SP110: variants seen among roughly 807,000 people sequenced by gnomAD.
The protein encoded by SP110 is SP110 nuclear body protein.
SP110 carries 62 observed loss-of-function variants against 92.7 expected under a neutral mutation model. That is an observed-to-expected ratio of 0.67 (90% CI 0.55 to 0.83). The LOEUF is 0.83. Ranked by LOEUF, SP110 falls within the 40% of genes least tolerant of loss-of-function variation. The probability of loss-of-function intolerance (pLI) is 0.00; values close to 1 mark genes in which losing one functional copy is unlikely to be tolerated. For synonymous variants in SP110, 273 were observed against 305.3 expected (o/e 0.89, Z 1.10); for missense variants, 793 against 863.9 (o/e 0.92, Z 1.03).
upstream of SP110, among the ~76,000 whole-genome samples, chr2:230,224,032 A>G (rs567876317): frequency 1.3e-4 from 20 of 152,300 alleles, no homozygotes; most frequent in African/African-American, 4.3e-4. Flanking sequence ...CTTACCCAGG[A>G]GAGGTTCTGT....
At position 230,168,682 on chromosome 2, in the gene SP110, A is replaced by G. The variant is rs1220424870; in HGVS notation, c.*442T>C. The G allele has an allele frequency of 6.0e-6, 1 of 165,342 alleles. No homozygotes were observed. Among genetic ancestry groups the G allele is most frequent in the Non-Finnish European group, 1.3e-5 (1 of 75,418 alleles). 10.2% of individuals were successfully genotyped at this position (165,342 alleles called of 1,614,324 possible). A position where few individuals can be genotyped will look rare whatever the true frequency, so the allele number is the denominator to read the frequency against. On this transcript the variant is annotated 3_prime_UTR_variant, in exon 19 of 19. Coordinates refer to ENST00000258381, the MANE Select transcript of SP110 (RefSeq NM_080424.4). ...GAAGAGAGGACTATACCACTAAGAA[A>G]ATGCAACCAGAAAATTCCAGATTGC...
chr2:230,214,851 C>T (rs573064771), intron 3 of SP110, 99 bp downstream of exon 3: 30 of 976,102 alleles, frequency 3.1e-5, no homozygotes, highest in South Asian at 5.3e-5. Context: ...AGAGAGAAGG[C>T]GGGGGATTAA....
upstream of SP110, among the ~76,000 whole-genome samples, chr2:230,224,101 T>C (rs1344074848): frequency 1.3e-5 from 2 of 152,234 alleles, no homozygotes; most frequent in African/African-American, 4.8e-5. Flanking sequence ...AGGCTATCCT[T>C]ACCTGGGCTA....
At chr2:230,206,581 ATCTGGTCCAGATTT>A (rs2043832927) in intron 8 of SP110, among the ~76,000 whole-genome samples, 1 of 117,574 alleles carries the variant, frequency 8.5e-6, no homozygotes, top group Admixed American at 9.8e-5. Flanking sequence ...ATTATATATT[ATCTGGTCCAGATTT>A]TATATATATA....
chr2:230,180,995 A>G (rs953995984), intron 12 of SP110, among the ~76,000 whole-genome samples: 15 of 152,238 alleles, frequency 9.9e-5, no homozygotes, highest in Admixed American at 2.6e-4. Flanking sequence ...TGGTAATTAA[A>G]TGGCAAAATG....
chr2:230,211,490 G>A lies in SP110; in HGVS notation c.731C>T (p.Ser244Phe). 2.5e-6 allele frequency: 4 copies of A among 1,607,064 alleles called. No individual in the cohort carries two copies. The highest frequency in any genetic ancestry group is 3.4e-6 in the Non-Finnish European group (4 of 1,173,460). The change falls in exon 6 of 19, where the codon TCT becomes TTT. Residue 244 changes from serine to phenylalanine, a missense_variant. By Grantham distance (155) the Ser-to-Phe change is radical. Coordinates refer to ENST00000258381, the MANE Select transcript of SP110 (RefSeq NM_080424.4). The surrounding 1 kb of genome is among the most constrained non-coding windows in gnomAD (Gnocchi z 4.2). ...DKEDPQEMPHSPLGSMPEIRD... is the reference protein window; with the variant it reads ...DKEDPQEMPHFPLGSMPEIRD... ...ATTACCTGGCATAGAGCCCAAGGGA[G>A]AGTGGGGCATCTCTTGAGGGTCTTC...
chr2:230,216,654 G>T, intron 2 of SP110, 127 bp downstream of exon 2: 1 of 1,143,140 alleles, frequency 8.7e-7, no homozygotes, highest in Non-Finnish European at 1.3e-6. Context: ...CACCTTCTGT[G>T]ATAATGAACA....
chr2:230,205,932 C>T (rs1378594558), intron 8 of SP110, among the ~76,000 whole-genome samples: 1 of 152,136 alleles, frequency 6.6e-6, no homozygotes, highest in African/African-American at 2.4e-5. Flanking sequence ...TTACAATGAA[C>T]CAAGGAGGCC....
At chr2:230,200,658 G>A (rs771750849) in intron 10 of SP110, 3 of 578,662 alleles carry the variant, frequency 5.2e-6, no homozygotes, top group Non-Finnish European at 9.2e-6. Flanking sequence ...ATCTTATATA[G>A]TGCAGATATA....
At chr2:230,217,018 G>T (rs1002747922) in intron 1 of SP110, 90 bp from the exon 2 acceptor site, 22 of 1,042,300 alleles carry the variant, frequency 2.1e-5, no homozygotes, top group Non-Finnish European at 3.2e-5. Context: ...GGCCGAGGTG[G>T]GTGGATCACC....
rs2041951589 is a variant in SP110, at chr2:230,178,139, G to C, written c.1447+18C>G. 6.7e-7 allele frequency: 1 copy of C among 1,499,576 alleles called. No individual in the cohort carries two copies. Among genetic ancestry groups the C allele is most frequent in the Non-Finnish European group, 9.3e-7 (1 of 1,076,990 alleles). The allele number at this position is 1,499,576 out of a possible 1,614,324, so 92.9% of individuals were successfully genotyped here. On this transcript the variant is annotated intron_variant, in intron 13 of 18. Coordinates refer to ENST00000258381, the MANE Select transcript of SP110 (RefSeq NM_080424.4). ...CTTCATCTAGGGATTCCAAAGAGCA[G>C]AAGACCAAGGAACTCACCGTGTTTC... is the stretch of plus-strand genomic sequence containing the variant.
chr2:230,189,636 G>A (rs1023364253), intron 10 of SP110, among the ~76,000 whole-genome samples: 3 of 152,054 alleles, frequency 2.0e-5, no homozygotes, highest in Non-Finnish European at 4.4e-5. Flanking sequence ...ACATAGGTAT[G>A]CATGTGCCAT....
intron 6 of SP110, among the ~76,000 whole-genome samples, chr2:230,210,617 C>T (rs968556519): frequency 6.6e-6 from 1 of 152,188 alleles, no homozygotes; most frequent in African/African-American, 2.4e-5. Context: ...CCTGTGCTTG[C>T]TAGCACCTGT....
chr2:230,179,691 TC>T (rs1292490496), intron 12 of SP110, among the ~76,000 whole-genome samples: 1 of 151,926 alleles, frequency 6.6e-6, no homozygotes, highest in Non-Finnish European at 1.5e-5. Flanking sequence ...CTGGGGACCT[TC>T]CCTTCTACAG....
chr2:230,202,596 C>G lies in SP110; in HGVS notation c.1031G>C (p.Arg344Pro), dbSNP rs144163010. The G allele has an allele frequency of 3.7e-6, 6 of 1,614,184 alleles. No homozygotes were observed. The highest frequency in any genetic ancestry group is 1.1e-5 in the South Asian group (1 of 91,088). Residue 344 changes from arginine to proline, a missense_variant, in exon 9 of 19, where the codon CGA becomes CCA. Transcript: ENST00000258381. ...RAQKARTECA[R>P]KSRSEEIIDG... is the part of the protein sequence containing the mutation. The stretch of plus-strand genomic sequence containing the variant: ...AGCCTTACCCTCTGATCTCGACTTT[C>G]GGGCACATTCAGTTCTCGCCTTTTG...
intron 12 of SP110, among the ~76,000 whole-genome samples, chr2:230,181,473 G>A (rs1441597069): frequency 6.6e-6 from 1 of 152,202 alleles, no homozygotes; most frequent in Non-Finnish European, 1.5e-5. Context: ...GTCTCCACAA[G>A]GGCATGTCAG....
At position 230,167,273 on chromosome 2, in the gene SP110, ATT is replaced by A. The variant is rs67471942; in HGVS notation, c.*1849_*1850del. 6,757 of 129,714 alleles carry A rather than the reference ATT, an allele frequency of 0.052. 206 individuals are homozygous for A. The highest frequency in any genetic ancestry group is 0.082 in the Middle Eastern group (22 of 268). The allele number at this position is 129,714 out of a possible 1,614,324, so 8.0% of individuals were successfully genotyped here. ...CCACCTTGCCCAGCTAATTAAAAAG[ATT>A]TTTTTTTTTTTTTTTTTGTAGAGAT... On this transcript the variant is annotated 3_prime_UTR_variant, in exon 19 of 19. Coordinates refer to ENST00000258381, the MANE Select transcript of SP110 (RefSeq NM_080424.4).
intron 14 of SP110, chr2:230,174,232 C>G (rs954690437): frequency 6.6e-6 from 1 of 152,186 alleles, no homozygotes; most frequent in African/African-American, 2.4e-5. Flanking sequence ...CTGACACTGT[C>G]AAAAAATAAT....
At chr2:230,202,791 C>A in intron 8 of SP110, 63 bp from the exon 9 acceptor site, 1 of 1,508,500 alleles carries the variant, frequency 6.6e-7, no homozygotes, top group Non-Finnish European at 9.2e-7. Context: ...TCCTACAGTC[C>A]CAATCAGTGA....
Sources: gnomAD v4.1 joint callset for allele counts (sites outside exome capture counted in the v4.1 genomes callset) on GRCh38, gnomAD v4.1.1 for gene constraint, Gnocchi (gnomAD v3.1) non-coding constraint, MANE v1.5 for transcripts, NCBI Gene and HGNC (gene_info 2026-07-23, HGNC 2026-07-21) for gene names.